Variants in FHIT observed in about 807,000 individuals in gnomAD.
The protein encoded by FHIT is fragile histidine triad diadenosine triphosphatase.
A neutral mutation model predicts 17.9 loss-of-function variants in FHIT; 19 were observed. The observed-to-expected ratio is 1.06, with a 90% confidence interval of 0.74 to 1.56. The LOEUF is 1.56. Among genes scored for constraint, FHIT ranks in the 40% most tolerant of loss-of-function variants. The pLI is 0.00. For missense variants in FHIT, 248 were observed against 189.2 expected, an observed-to-expected ratio of 1.31 and a Z score of -1.82; for synonymous variants, 81 against 69.7, an observed-to-expected ratio of 1.16 and a Z score of -0.81.
chr3:60,897,965 T>A (rs1553762280), intron 3 of FHIT, among the ~76,000 whole-genome samples: 1 of 152,220 alleles, frequency 6.6e-6, no homozygotes, highest in African/African-American at 2.4e-5. Context: ...ATTATTTTTA[T>A]TATCAAATAA....
intron 8 of FHIT, among the ~76,000 whole-genome samples, chr3:59,755,431 G>C (rs1339511604): frequency 1.3e-5 from 2 of 152,198 alleles, no homozygotes; most frequent in African/African-American, 4.8e-5. Context: ...CCAAGAACCT[G>C]GTGGCTGCAA....
chr3:59,863,541 A>G (rs1237333398), intron 8 of FHIT, among the ~76,000 whole-genome samples: 1 of 152,162 alleles, frequency 6.6e-6, no homozygotes, highest in African/African-American at 2.4e-5. Context: ...TCCCTGAGTG[A>G]CCATAAACCC....
intron 2 of FHIT, among the ~76,000 whole-genome samples, chr3:61,089,252 A>G (rs560233671): frequency 4.6e-5 from 7 of 152,316 alleles, no homozygotes; most frequent in African/African-American, 1.7e-4. Flanking sequence ...AAAATTTACT[A>G]TTTTAACCAT....
At chr3:60,103,304 A>C (rs1250672488) in intron 5 of FHIT, among the ~76,000 whole-genome samples, 6 of 152,176 alleles carry the variant, frequency 3.9e-5, no homozygotes, top group African/African-American at 9.7e-5. Flanking sequence ...CCGATCTAGG[A>C]ACCAAATTGA....
At chr3:60,027,264 A>G (rs1405349654) in intron 5 of FHIT, among the ~76,000 whole-genome samples, 1 of 152,206 alleles carries the variant, frequency 6.6e-6, no homozygotes, top group Non-Finnish European at 1.5e-5. Context: ...AGCATGCCTA[A>G]GGAAAAAGAA....
At chr3:60,615,987 A>G (rs1414484733) in intron 4 of FHIT, among the ~76,000 whole-genome samples, 1 of 152,200 alleles carries the variant, frequency 6.6e-6, no homozygotes, top group Non-Finnish European at 1.5e-5. Flanking sequence ...ATTGCTGTAC[A>G]TTGAGAGATG....
At chr3:60,136,719 C>T (rs1352906322) in intron 5 of FHIT, among the ~76,000 whole-genome samples, 1 of 152,158 alleles carries the variant, frequency 6.6e-6, no homozygotes, top group Non-Finnish European at 1.5e-5. Context: ...TAAGACCGCA[C>T]ATTGCATCAG....
chr3:59,912,934 T>G (rs1024963157), intron 8 of FHIT, among the ~76,000 whole-genome samples: 2 of 152,194 alleles, frequency 1.3e-5, no homozygotes, highest in African/African-American at 4.8e-5. Flanking sequence ...AGTATTTAAG[T>G]GGTTCAGCAC....
intron 7 of FHIT, among the ~76,000 whole-genome samples, chr3:60,000,768 A>C (rs562804712): frequency 1.3e-5 from 2 of 152,306 alleles, no homozygotes; most frequent in South Asian, 4.1e-4. Flanking sequence ...AGTATCATCA[A>C]AACATCAAAT....
chr3:60,166,793 T>C (rs1027559183), intron 5 of FHIT, among the ~76,000 whole-genome samples: 5 of 152,206 alleles, frequency 3.3e-5, no homozygotes, highest in African/African-American at 1.2e-4. Flanking sequence ...TCCATTTTCT[T>C]TGGTGAGCTT....
At chr3:59,972,962 T>G (rs895474702) in intron 7 of FHIT, among the ~76,000 whole-genome samples, 2 of 152,038 alleles carry the variant, frequency 1.3e-5, no homozygotes, top group Non-Finnish European at 2.9e-5. Context: ...CTCAACCCCA[T>G]TCTCAATCTC....
intron 5 of FHIT, among the ~76,000 whole-genome samples, chr3:60,081,928 C>T (rs1433579019): frequency 4.6e-5 from 7 of 151,270 alleles, no homozygotes; most frequent in Non-Finnish European, 1.0e-4. Flanking sequence ...TTTTGTTCTA[C>T]AAACTCGATG....
chr3:60,555,881 G>A (rs2107634327), intron 4 of FHIT, among the ~76,000 whole-genome samples: 1 of 152,308 alleles, frequency 6.6e-6, no homozygotes, highest in East Asian at 1.9e-4. Context: ...CTTTCTGCAG[G>A]AGAGCTGGAG....
At chr3:61,183,442 T>A (rs1162526274) in intron 2 of FHIT, among the ~76,000 whole-genome samples, 1 of 152,114 alleles carries the variant, frequency 6.6e-6, no homozygotes, top group East Asian at 1.9e-4. Context: ...TTCATTAGCA[T>A]CCTGCTGCCT....
chr3:60,936,941 T>C (rs1021742758), intron 3 of FHIT, among the ~76,000 whole-genome samples: 10 of 152,190 alleles, frequency 6.6e-5, no homozygotes, highest in African/African-American at 1.2e-4. Context: ...TTGTATTCAG[T>C]TGACTTTTTA....
At chr3:60,027,477 T>C (rs995831888) in intron 5 of FHIT, among the ~76,000 whole-genome samples, 3 of 152,078 alleles carry the variant, frequency 2.0e-5, no homozygotes, top group Non-Finnish European at 2.9e-5. Context: ...AACATCACCA[T>C]TGTCACTGTC....
intron 4 of FHIT, among the ~76,000 whole-genome samples, chr3:60,614,279 G>T (rs376208973): frequency 6.6e-6 from 1 of 152,198 alleles, no homozygotes; most frequent in East Asian, 1.9e-4. Flanking sequence ...GCTTAATATC[G>T]CTCTGGAAGC....
At chr3:59,795,742 C>A (rs1050380347) in intron 8 of FHIT, among the ~76,000 whole-genome samples, 1 of 152,082 alleles carries the variant, frequency 6.6e-6, no homozygotes, top group Admixed American at 6.6e-5. Flanking sequence ...ACAAAAAATA[C>A]AATTAATAAA....
rs567346824 is a variant in FHIT at position 59,867,874 on chromosome 3, A to T, written c.348+54472T>A. Among the ~76,000 whole-genome samples the T allele has an allele frequency of 2.6e-5, 4 of 151,974 alleles. No homozygotes were observed. The South Asian group carries it at 8.3e-4, about 32-fold the overall frequency. On this transcript the variant is annotated intron_variant, in intron 8 of 9. Coordinates refer to ENST00000492590, the MANE Select transcript of FHIT (RefSeq NM_002012.4). ...ACCTATTGTGGTCAGAAGGCAGAGT[A>T]CTCTAATAACCTTGTTATAGTTGAA...
Sources: gnomAD v4.1 joint callset for allele counts (sites outside exome capture counted in the v4.1 genomes callset) on GRCh38, gnomAD v4.1.1 for gene constraint, MANE v1.5 for transcripts, NCBI Gene and HGNC (gene_info 2026-07-23, HGNC 2026-07-21) for gene names.